The following PLXNA1 variants were observed in gnomAD, a reference collection of about 807,000 sequenced individuals.
PLXNA1 encodes the protein plexin-A1.
Under a neutral mutation model 191.7 loss-of-function variants are expected in PLXNA1, and 77 were observed. The ratio of observed to expected loss-of-function variants is 0.40; its 90% CI spans 0.33 to 0.49. PLXNA1 has a LOEUF of 0.49. PLXNA1 is among the 20% of genes least tolerant of loss of function. The pLI, the probability that PLXNA1 is intolerant of heterozygous loss-of-function variation, is 0.63. For missense variants in PLXNA1, 2,110 were observed against 2,660.2 expected (o/e 0.79, Z 4.55); for synonymous variants, 1,137 against 1,156.4 (o/e 0.98, Z 0.34).
rs2079195057 is a variant in PLXNA1, at chr3:127,029,508, C to T, written c.4842C>T (p.Ser1614=). 1.2e-6 allele frequency: 2 copies of T among 1,613,936 alleles called. No individual in the cohort carries two copies. Among genetic ancestry groups the T allele is most frequent in the Non-Finnish European group, 1.7e-6 (2 of 1,179,944 alleles). The change falls in exon 27 of 32, where the codon TCC becomes TCT. Residue 1614 remains serine, a synonymous_variant. Transcript: ENST00000393409. Reference sequence around the variant, plus strand: ...CCGCCTACAACATCTCCAACTCCTCCACCTTCACCAAGTCCCTCAGCAGAT... The same window carrying T: ...CCGCCTACAACATCTCCAACTCCTCTACCTTCACCAAGTCCCTCAGCAGAT... ...QTSAYNISNS[S]TFTKSLSRYE... is the part of the protein sequence containing the mutation.
chr3:127,012,818 A>T (rs1280157293), intron 10 of PLXNA1, among the ~76,000 whole-genome samples: 1 of 152,226 alleles, frequency 6.6e-6, no homozygotes, highest in East Asian at 1.9e-4. Flanking sequence ...GTTGCCCAGC[A>T]GTTGGAGGCC....
intron 4 of PLXNA1, among the ~76,000 whole-genome samples, chr3:127,004,164 G>T (rs1034547977): frequency 5.3e-5 from 8 of 152,252 alleles, no homozygotes; most frequent in Non-Finnish European, 8.8e-5. Flanking sequence ...TCAGGGACGT[G>T]CCTCCGTGGG....
Position 127,028,986 on chromosome 3 carries a change from C to G in PLXNA1, c.4670-7C>G. 1 of 1,610,122 alleles carries G rather than the reference C, an allele frequency of 6.2e-7. No individual in the cohort carries two copies. The highest frequency in any genetic ancestry group is 8.5e-7 in the Non-Finnish European group (1 of 1,178,754). ...CGGCCCCACCCTCCAGCTCCCTCCT[C>G]CCCCAGAGTGGCGCCAGGGCCGCAT... On this transcript the variant is annotated splice_region_variant and splice_polypyrimidine_tract_variant and intron_variant, in intron 25 of 31. Transcript: ENST00000393409.
intron 3 of PLXNA1, among the ~76,000 whole-genome samples, chr3:126,995,122 G>A: frequency 6.6e-6 from 1 of 152,150 alleles, no homozygotes; most frequent in East Asian, 1.9e-4. Context: ...CAAACTGTTG[G>A]GGTGTGAAAT....
chr3:127,005,339 A>C, intron 7 of PLXNA1, 96 bp downstream of exon 7: 1 of 1,426,002 alleles, frequency 7.0e-7, no homozygotes, highest in South Asian at 1.4e-5. Flanking sequence ...TTCAGTTCCA[A>C]GGGCATGTTG....
intron 3 of PLXNA1, among the ~76,000 whole-genome samples, chr3:126,998,057 G>A (rs1043162236): frequency 6.6e-6 from 1 of 152,212 alleles, no homozygotes; most frequent in African/African-American, 2.4e-5. Flanking sequence ...AGTGGGTATG[G>A]AGGCTGGAAC....
intron 15 of PLXNA1, 53 bp downstream of exon 15, chr3:127,015,373 A>G (rs2107632389): frequency 6.4e-7 from 1 of 1,568,170 alleles, no homozygotes; most frequent in East Asian, 2.3e-5. Context: ...CCTGTTTCAG[A>G]TGGTTGCATG....
At position 127,034,310 on chromosome 3, in the gene PLXNA1, T is replaced by G; in HGVS notation, c.*293T>G. On this transcript the variant is annotated 3_prime_UTR_variant, in exon 32 of 32. Transcript: ENST00000393409. The stretch of plus-strand genomic sequence containing the variant: ...TCATTGCCTGGCAAGAGCTGCCCAG[T>G]GGCCTTCATGGGAGAAGGGCTGACC... 1 of 333,986 alleles carries G rather than the reference T, an allele frequency of 3.0e-6. No individual in the cohort carries two copies. The highest frequency in any genetic ancestry group is 5.5e-6 in the Non-Finnish European group (1 of 181,516). The allele number at this position is 333,986 out of a possible 1,614,324, so 20.7% of individuals were successfully genotyped here.
chr3:127,011,911 T>A (rs2079097465), intron 9 of PLXNA1, 47 bp from the exon 10 acceptor site: 3 of 1,562,318 alleles, frequency 1.9e-6, no homozygotes, highest in Non-Finnish European at 2.6e-6. Context: ...TGCACCTTGC[T>A]CACTGGTCTC....
chr3:127,031,628 G>C (rs534942621), intron 29 of PLXNA1, among the ~76,000 whole-genome samples: 49 of 152,278 alleles, frequency 3.2e-4, no homozygotes, highest in African/African-American at 1.2e-3. Context: ...TCCCAAACCT[G>C]GGATGCAGCC....
At chr3:127,027,775 C>G in intron 23 of PLXNA1, 165 bp from the exon 24 acceptor site, 2 of 881,364 alleles carry the variant, frequency 2.3e-6, no homozygotes. Flanking sequence ...CTTGCAGTCT[C>G]TGCTGGGCTT....
At chr3:127,015,371 A>G (rs2079117969) in intron 15 of PLXNA1, 51 bp downstream of exon 15, 2 of 1,570,574 alleles carry the variant, frequency 1.3e-6, no homozygotes, top group South Asian at 2.3e-5. Flanking sequence ...CTCCTGTTTC[A>G]GATGGTTGCA....
intron 31 of PLXNA1, 61 bp downstream of exon 31, chr3:127,032,897 A>C: frequency 2.6e-6 from 4 of 1,541,172 alleles, no homozygotes; most frequent in East Asian, 4.6e-5. Flanking sequence ...TGCCAGAGTC[A>C]CCTGCTCTGC....
Position 127,014,238 on chromosome 3 carries a change from G to A in PLXNA1, c.2467G>A (p.Asp823Asn), listed in dbSNP as rs555510429. The A allele has an allele frequency of 7.5e-6, 12 of 1,604,880 alleles. No individual in the cohort carries two copies. The highest frequency in any genetic ancestry group is 3.4e-5 in the Admixed American group (2 of 59,192). Residue 823 changes from aspartate (D) to asparagine (N), a missense_variant, in exon 12 of 32, where the codon GAC becomes AAC. Physicochemically the swap from Asp to Asn is conservative, Grantham distance 23 (BLOSUM62 1). Transcript: ENST00000393409. ...GAGCTGCGGCCTCTGCCTCAAGGCC[G>A]ACCCGCGCTTCGAGTGCGGATGGTG... ...RESCGLCLKADPRFECGWCVA... is the reference protein window; with the variant it reads ...RESCGLCLKANPRFECGWCVA...
rs2079235816 is a variant in PLXNA1 at position 127,035,347 on chromosome 3, G to A, written c.*1330G>A. 6.6e-6 allele frequency: 1 copy of A among 152,230 alleles called. No individual in the cohort carries two copies. The highest frequency in any genetic ancestry group is 2.4e-5 in the African/African-American group (1 of 41,460). The allele number at this position is 152,230 out of a possible 1,614,324, so 9.4% of individuals were successfully genotyped here. On this transcript the variant is annotated 3_prime_UTR_variant, in exon 32 of 32. Coordinates refer to ENST00000393409, the MANE Select transcript of PLXNA1 (RefSeq NM_032242.4). ...TTTGAACAAGAAAATGAAGGCAGTG[G>A]GAAAGCAATGCCAAATGGTTGTGGA...
rs764955226 is a variant in PLXNA1 at position 127,030,238 on chromosome 3, C to T, written c.5062-5C>T. 22 of 1,612,716 alleles carry T rather than the reference C, an allele frequency of 1.4e-5. No individual in the cohort carries two copies. In the Middle Eastern group the frequency reaches 6.6e-4, roughly 48 times the overall value. On this transcript the variant is annotated splice_polypyrimidine_tract_variant and splice_region_variant and intron_variant, in intron 28 of 31. Coordinates refer to ENST00000393409, the MANE Select transcript of PLXNA1 (RefSeq NM_032242.4). ...GGGCTCAGTGTCCCTGCCTGCCCCCCGCAGGGCACACTGCAGAAGTTTGTG... is the reference window on the plus strand; with the variant it reads ...GGGCTCAGTGTCCCTGCCTGCCCCCTGCAGGGCACACTGCAGAAGTTTGTG...
intron 23 of PLXNA1, among the ~76,000 whole-genome samples, chr3:127,025,196 G>A (rs1284301121): frequency 6.6e-6 from 1 of 152,084 alleles, no homozygotes; most frequent in Non-Finnish European, 1.5e-5. Context: ...TAGTGTCGCT[G>A]CCCTAAAAAT....
chr3:127,002,862 C>T (rs2079047421), intron 3 of PLXNA1, among the ~76,000 whole-genome samples: 1 of 152,168 alleles, frequency 6.6e-6, no homozygotes, highest in Admixed American at 6.5e-5. Context: ...CTAGGACACC[C>T]CATTCTGGAG....
At chr3:126,986,449 G>T (rs1305922287) in intron 1 of PLXNA1, among the ~76,000 whole-genome samples, 1 of 152,236 alleles carries the variant, frequency 6.6e-6, no homozygotes, top group Non-Finnish European at 1.5e-5. Context: ...CTGAGCAGTG[G>T]GTGTGTGCTG....
Sources: allele counts gnomAD v4.1 joint callset (sites outside exome capture counted in the v4.1 genomes callset), GRCh38; gene constraint gnomAD v4.1.1; transcripts MANE v1.5; gene names NCBI Gene and HGNC (gene_info 2026-07-23, HGNC 2026-07-21).